PPFIA3: variants seen among roughly 807,000 people sequenced by gnomAD.
The protein encoded by PPFIA3 is PPFI scaffold protein A3.
Under a neutral mutation model 145.8 loss-of-function variants are expected in PPFIA3, and 26 were observed. The observed-to-expected ratio is 0.18, with a 90% CI of 0.13 to 0.25. The LOEUF (loss-of-function observed/expected upper bound fraction) is 0.25, where lower values mean the gene tolerates loss of function less well. PPFIA3 is among the 10% of genes least tolerant of loss of function. The probability of loss-of-function intolerance (pLI) is 1.00; values close to 1 mark genes in which losing one functional copy is unlikely to be tolerated. For synonymous variants in PPFIA3, 645 were observed against 661.4 expected (o/e 0.98, Z 0.38); for missense variants, 1,008 against 1,587.8 (o/e 0.63, Z 6.21).
Position 49,149,191 on chromosome 19 carries a change from G to A in PPFIA3, c.3285+23G>A. On this transcript the variant is annotated intron_variant, in intron 26 of 29. Coordinates refer to ENST00000334186, the MANE Select transcript of PPFIA3 (RefSeq NM_003660.4). This position sits in a 1 kb window ranked among gnomAD's most constrained non-coding sequence, Gnocchi z 5.7. ...CAGGTGAGCTGCCGCTGGGCCCGGA[G>A]CATGCTGGGCGTCCCCACCTCGCAG... 1 of 1,613,872 alleles carries A rather than the reference G, an allele frequency of 6.2e-7. No individual in the cohort carries two copies. The highest frequency in any genetic ancestry group is 8.5e-7 in the Non-Finnish European group (1 of 1,179,872).
intron 1 of PPFIA3, among the ~76,000 whole-genome samples, chr19:49,121,074 C>T (rs2122505855): frequency 6.6e-6 from 1 of 152,308 alleles, no homozygotes; most frequent in South Asian, 2.1e-4. Flanking sequence ...GTCTCATCCT[C>T]ATGTCACCCC....
At chr19:49,148,315 C>A in intron 24 of PPFIA3, 57 bp downstream of exon 24, 1 of 1,552,652 alleles carries the variant, frequency 6.4e-7, no homozygotes, top group East Asian at 2.3e-5. Context: ...CCCAGAGAGT[C>A]TTTGGCCAAT....
intron 21 of PPFIA3, 72 bp from the exon 22 acceptor site, chr19:49,145,871 G>C: frequency 6.4e-6 from 9 of 1,407,824 alleles, no homozygotes; most frequent in Non-Finnish European, 8.1e-6. Context: ...AGGGCCTTCA[G>C]GAGGACACCC....
rs750084529 is a variant in PPFIA3 at position 49,128,801 on chromosome 19, C to T, written c.343-47C>T. 42 of 1,523,026 alleles carry T rather than the reference C, an allele frequency of 2.8e-5. No homozygotes were observed. The highest frequency in any genetic ancestry group is 3.7e-5 in the Non-Finnish European group (42 of 1,130,432). 94.3% of individuals were successfully genotyped at this position (1,523,026 alleles called of 1,614,324 possible). ...TGTCACCCTTTTTCTCACATCTGCC[C>T]CTTTTCCCTTGCCTCTTTTCCTTGA... is the stretch of plus-strand genomic sequence containing the variant. On this transcript the variant is annotated intron_variant, in intron 3 of 29. Coordinates refer to ENST00000334186, the MANE Select transcript of PPFIA3 (RefSeq NM_003660.4). This position sits in a 1 kb window ranked among gnomAD's most constrained non-coding sequence, Gnocchi z 4.1.
At position 49,130,671 on chromosome 19, in the gene PPFIA3, C is replaced by G. The variant is rs1242395972; in HGVS notation, c.879+72C>G. On this transcript the variant is annotated intron_variant, in intron 7 of 29. Coordinates refer to ENST00000334186, the MANE Select transcript of PPFIA3 (RefSeq NM_003660.4). This position sits in a 1 kb window ranked among gnomAD's most constrained non-coding sequence, Gnocchi z 4.5. The stretch of plus-strand genomic sequence containing the variant: ...GTAGAGCTCTCCCTCGCGCATTGCT[C>G]ATGAATGGCGGAACCTCGATTCAGT... 7.5e-7 allele frequency: 1 copy of G among 1,325,654 alleles called. No homozygotes were observed. Among genetic ancestry groups the G allele is most frequent in the Non-Finnish European group, 1.0e-6 (1 of 971,438 alleles). The allele number at this position is 1,325,654 out of a possible 1,614,324, so 82.1% of individuals were successfully genotyped here. A position where few individuals can be genotyped will look rare whatever the true frequency, so the allele number is the denominator to read the frequency against.
intron 24 of PPFIA3, 198 bp from the exon 25 acceptor site, chr19:49,148,468 T>C (rs1056857278): frequency 4.0e-6 from 3 of 744,252 alleles, no homozygotes; most frequent in African/African-American, 3.5e-5. Context: ...TAGTTAACCC[T>C]GGACCCCTTC....
At position 49,146,232 on chromosome 19, in the gene PPFIA3, T is replaced by C. The variant is rs545574323; in HGVS notation, c.2835+40T>C. 5.0e-6 allele frequency: 8 copies of C among 1,607,462 alleles called. No homozygotes were observed. The East Asian group carries it at 1.8e-4, about 36-fold the overall frequency. On this transcript the variant is annotated intron_variant, in intron 23 of 29. Coordinates refer to ENST00000334186, the MANE Select transcript of PPFIA3 (RefSeq NM_003660.4). ...GCGGGGCGTGAGCGCATGAACAGGC[T>C]GTGCACGACGCATGGATGCCCCTCC...
At chr19:49,148,589 G>C (rs2041306068) in intron 24 of PPFIA3, 77 bp from the exon 25 acceptor site, 1 of 1,177,030 alleles carries the variant, frequency 8.5e-7, no homozygotes, top group African/African-American at 1.5e-5. Context: ...AGCGCAGCCA[G>C]TGGGGAGGGA....
chr19:49,133,938 AAGG>A lies in PPFIA3; in HGVS notation c.1245+63_1245+65del, dbSNP rs567822557. On this transcript the variant is annotated intron_variant, in intron 10 of 29. Coordinates refer to ENST00000334186, the MANE Select transcript of PPFIA3 (RefSeq NM_003660.4). The surrounding 1 kb of genome is among the most constrained non-coding windows in gnomAD (Gnocchi z 7.2). ...CTTCGAGGCTGGGGCGGAGCTTAAT[AAGG>A]AGGCTGGGCTGGGCCCGGGGGTGGG... is the stretch of plus-strand genomic sequence containing the variant. 2.4e-3 allele frequency: 3,815 copies of A among 1,609,556 alleles called. 21 individuals carry two copies. Among genetic ancestry groups the A allele is most frequent in the South Asian group, 0.013 (1,175 of 90,764 alleles).
intron 23 of PPFIA3, 101 bp from the exon 24 acceptor site, chr19:49,147,981 TG>T (rs2041300094): frequency 1.6e-6 from 2 of 1,245,140 alleles, no homozygotes; most frequent in African/African-American, 1.5e-5. Context: ...TACCATGGGG[TG>T]GGAAAAAACC....
chr19:49,130,657 C>A lies in PPFIA3; in HGVS notation c.879+58C>A. 1 of 1,421,692 alleles carries A rather than the reference C, an allele frequency of 7.0e-7. No individual in the cohort carries two copies. The highest frequency in any genetic ancestry group is 9.6e-7 in the Non-Finnish European group (1 of 1,046,572). The allele number at this position is 1,421,692 out of a possible 1,614,324, so 88.1% of individuals were successfully genotyped here. On this transcript the variant is annotated intron_variant, in intron 7 of 29. Coordinates refer to ENST00000334186, the MANE Select transcript of PPFIA3 (RefSeq NM_003660.4). This position sits in a 1 kb window ranked among gnomAD's most constrained non-coding sequence, Gnocchi z 4.5. Reference sequence around the variant, plus strand: ...TCCCTCGCCTTTCCGTAGAGCTCTCCCTCGCGCATTGCTCATGAATGGCGG... The same window carrying A: ...TCCCTCGCCTTTCCGTAGAGCTCTCACTCGCGCATTGCTCATGAATGGCGG...
intron 16 of PPFIA3, 99 bp from the exon 17 acceptor site, chr19:49,139,569 G>A (rs898904596): frequency 7.7e-7 from 1 of 1,305,538 alleles, no homozygotes. Context: ...TTCTAAACCA[G>A]GGTCACCCCA....
chr19:49,144,569 T>A (rs2122637157), intron 21 of PPFIA3, among the ~76,000 whole-genome samples: 1 of 151,952 alleles, frequency 6.6e-6, no homozygotes, highest in Non-Finnish European at 1.5e-5. Flanking sequence ...CAAAAATTAG[T>A]CGGGTGTGGT....
chr19:49,127,347 C>T (rs1432206170), intron 1 of PPFIA3, among the ~76,000 whole-genome samples: 1 of 123,056 alleles, frequency 8.1e-6, no homozygotes, highest in Non-Finnish European at 1.6e-5. Flanking sequence ...GAGATCGCAT[C>T]ACTGCACTCC....
Position 49,138,413 on chromosome 19 carries a change from G to T in PPFIA3, c.2062G>T (p.Gly688Cys). The T allele has an allele frequency of 1.3e-6, 2 of 1,549,624 alleles. No individual in the cohort carries two copies. Among genetic ancestry groups the T allele is most frequent in the Non-Finnish European group, 1.7e-6 (2 of 1,146,358 alleles). Reference sequence around the variant, plus strand: ...GGCACCCCCTAGCCCTGCCCGTGAGGGCACCGACAAGGCTGTGAGTGCTCT... The same window carrying T: ...GGCACCCCCTAGCCCTGCCCGTGAGTGCACCGACAAGGCTGTGAGTGCTCT... ...RLAPPSPARE[G>C]TDKANHVPKE... Residue 688 changes from glycine to cysteine, a missense_variant, in exon 16 of 30, where the codon GGC (glycine) becomes TGC (cysteine). Physicochemically the swap from Gly to Cys is radical, Grantham distance 159. Around this residue, in one of 11 missense-constraint regions of PPFIA3, gnomAD observed 202 missense variants for 241.8 expected, o/e 0.84. Coordinates refer to ENST00000334186, the MANE Select transcript of PPFIA3 (RefSeq NM_003660.4).
At chr19:49,136,624 A>G (rs1270384383) in intron 14 of PPFIA3, 100 bp from the exon 15 acceptor site, 2 of 683,648 alleles carry the variant, frequency 2.9e-6, no homozygotes, top group Non-Finnish European at 4.2e-6. Flanking sequence ...GGCTGGGAAA[A>G]GCATCAGTGA....
chr19:49,132,371 G>A (rs4802568), intron 7 of PPFIA3, among the ~76,000 whole-genome samples: 56,427 of 132,574 alleles, frequency 0.43, 16,453 homozygotes, highest in African/African-American at 0.84. Flanking sequence ...CCTGGGTGAC[G>A]GAGCAAGACT....
chr19:49,120,647 G>C lies in PPFIA3; in HGVS notation c.-16+925G>C, dbSNP rs568323855. The stretch of plus-strand genomic sequence containing the variant: ...CTTAGCCTCCTGGCACCCAGCATCT[G>C]CTCCCCGAGGGACTCAGGCGCCATG... On this transcript the variant is annotated intron_variant, in intron 1 of 29. Coordinates refer to ENST00000334186, the MANE Select transcript of PPFIA3 (RefSeq NM_003660.4). This position sits in a 1 kb window ranked among gnomAD's most constrained non-coding sequence, Gnocchi z 4.6. 1.3e-5 allele frequency among the ~76,000 whole-genome samples: 2 copies of C among 152,164 alleles called. No individual in the cohort carries two copies. The highest frequency in any genetic ancestry group is 2.4e-5 in the African/African-American group (1 of 41,428).
rs1038001426 is a variant in PPFIA3, at chr19:49,150,298, G to C, written c.*76G>C. 3 of 784,038 alleles carry C rather than the reference G, an allele frequency of 3.8e-6. No homozygotes were observed. The African/African-American group carries it at 5.2e-5, about 14-fold the overall frequency. The allele number at this position is 784,038 out of a possible 1,614,324, so 48.6% of individuals were successfully genotyped here. A position where few individuals can be genotyped will look rare whatever the true frequency, so the allele number is the denominator to read the frequency against. On this transcript the variant is annotated 3_prime_UTR_variant, in exon 30 of 30. Coordinates refer to ENST00000334186, the MANE Select transcript of PPFIA3 (RefSeq NM_003660.4). ...GGCTGTTCCCTCTCCTGCCCGGACT[G>C]TGGCCTCGCCGGGGAGAGCGGGCGG...
Sources: gnomAD v4.1 joint callset for allele counts (sites outside exome capture counted in the v4.1 genomes callset) on GRCh38, gnomAD v4.1.1 for gene constraint, gnomAD v4.1.1 regional missense constraint, Gnocchi (gnomAD v3.1) non-coding constraint, MANE v1.5 for transcripts, NCBI Gene and HGNC (gene_info 2026-07-23, HGNC 2026-07-21) for gene names.